Variants in MYL3 observed in about 807,000 individuals in gnomAD.
MYL3 encodes the protein CMLC1.
In MYL3, 11 loss-of-function variants were observed where a neutral mutation model predicts 21.3. The observed-to-expected ratio is 0.52, with a 90% CI of 0.32 to 0.85. The LOEUF (loss-of-function observed/expected upper bound fraction) is 0.85, where lower values mean the gene tolerates loss of function less well. Ranked by LOEUF, MYL3 falls within the 40% of genes least tolerant of loss-of-function variation. The pLI is 0.03. For synonymous variants in MYL3, 88 were observed against 91.6 expected (o/e 0.96, Z 0.22); for missense variants, 206 against 253.3 (o/e 0.81, Z 1.27).
rs551462555 is a variant in MYL3 at position 46,859,780 on chromosome 3, G to T, written c.308-132C>A. The T allele has an allele frequency of 2.8e-6, 3 of 1,071,144 alleles. No individual in the cohort carries two copies. The highest frequency in any genetic ancestry group is 1.3e-5 in the South Asian group (1 of 77,858). 66.4% of individuals were successfully genotyped at this position (1,071,144 alleles called of 1,614,324 possible). A position where few individuals can be genotyped will look rare whatever the true frequency, so the allele number is the denominator to read the frequency against. ...ACAGTCTACACCAGTTCTCACAGCA[G>T]TCTACACCAGTTTGCCATTTAAAAG... On this transcript the variant is annotated intron_variant, in intron 3 of 6. Coordinates refer to ENST00000292327, the MANE Select transcript of MYL3 (RefSeq NM_000258.3). The surrounding 1 kb of genome is among the most constrained non-coding windows in gnomAD (Gnocchi z 4.1).
chr3:46,866,494 T>C (rs1702048873), upstream of MYL3: 1 of 152,256 alleles, frequency 6.6e-6, no homozygotes, highest in Non-Finnish European at 1.5e-5. Context: ...GGCCTTCTTC[T>C]GGGCTCTTGT....
At chr3:46,863,514 G>T, upstream of MYL3, 1 of 1,017,666 alleles carries the variant, frequency 9.8e-7, no homozygotes, top group Non-Finnish European at 1.5e-6. Flanking sequence ...CCCCTGCAGT[G>T]CACAATAGGG....
chr3:46,865,740 A>G (rs1287544926), upstream of MYL3, among the ~76,000 whole-genome samples: 1 of 152,042 alleles, frequency 6.6e-6, no homozygotes, highest in Admixed American at 6.5e-5. The surrounding 1 kb of genome is among the most constrained non-coding windows in gnomAD (Gnocchi z 4.3). Context: ...AGAGCCACAT[A>G]GTGCCACCTT....
At chr3:46,875,493 G>A (rs770297001) in intron 1 of MYL3, among the ~76,000 whole-genome samples, 1 of 152,226 alleles carries the variant, frequency 6.6e-6, no homozygotes, top group African/African-American at 2.4e-5. Context: ...CATGCAATTT[G>A]AGGACATGCC....
Position 46,859,536 on chromosome 3 carries a change from G to C in MYL3, c.420C>G (p.Phe140Leu). Residue 140 changes from phenylalanine to leucine, a missense_variant, in exon 4 of 7, where the codon TTC becomes TTG. Physicochemically the swap from Phe to Leu is conservative, Grantham distance 22. Transcript: ENST00000292327. This position sits in a 1 kb window ranked among gnomAD's most constrained non-coding sequence, Gnocchi z 4.1. Reference protein sequence around the residue: ...YEDFVEGLRVFDKEGNGTVMG... With the variant: ...YEDFVEGLRVLDKEGNGTVMG... ...TGACAGTGCCATTGCCCTCCTTGTC[G>C]AAGACCCGCAGCCCCTCCACGAAGT... The C allele has an allele frequency of 6.2e-7, 1 of 1,614,182 alleles. No homozygotes were observed. Among genetic ancestry groups the C allele is most frequent in the Non-Finnish European group, 8.5e-7 (1 of 1,180,048 alleles).
At chr3:46,867,724 A>G (rs1702060933), upstream of MYL3, among the ~76,000 whole-genome samples, 1 of 152,192 alleles carries the variant, frequency 6.6e-6, no homozygotes, top group Non-Finnish European at 1.5e-5. Flanking sequence ...CACTTCCCGG[A>G]GGAGTCGAGA....
chr3:46,876,822 C>A (rs1314680406), intron 1 of MYL3, among the ~76,000 whole-genome samples: 1 of 152,208 alleles, frequency 6.6e-6, no homozygotes, highest in Non-Finnish European at 1.5e-5. Flanking sequence ...CTTCCAGACA[C>A]AAACCAGCTC....
In MYL3 at chr3:46,874,854, G is replaced by A. The variant is rs2030095042; in HGVS notation, c.-218+7220C>T. On this transcript the variant is annotated intron_variant, in intron 1 of 3. Coordinates refer to the MYL3 transcript ENST00000431168. This position sits in a 1 kb window ranked among gnomAD's most constrained non-coding sequence, Gnocchi z 4.1. ...GACCCGCTTTGGACCCCCAACCAGT[G>A]TCCCCAGTGGCTGGCCAGGTTGCCC... 6.6e-6 allele frequency among the ~76,000 whole-genome samples: 1 copy of A among 151,934 alleles called. No homozygotes were observed. Among genetic ancestry groups the A allele is most frequent in the African/African-American group, 2.4e-5 (1 of 41,324 alleles).
intron 1 of MYL3, among the ~76,000 whole-genome samples, chr3:46,872,143 C>T (rs2029955014): frequency 6.6e-6 from 1 of 152,186 alleles, no homozygotes; most frequent in African/African-American, 2.4e-5. Flanking sequence ...TGAGTGTCCT[C>T]CTTCCCCACT....
chr3:46,863,342 G>A lies in MYL3; in HGVS notation c.49C>T (p.Pro17Ser), dbSNP rs1702011848. Residue 17 changes from proline to serine, a missense_variant, in exon 1 of 7, where the codon CCC becomes TCC. Pro to Ser is a moderately conservative substitution (Grantham distance 74). Transcript: ENST00000292327. ...EPKKDDAKAAPKAAPAPAPPP... is the reference protein window; with the variant it reads ...EPKKDDAKAASKAAPAPAPPP... ...GGTGCGGGAGCTGGAGCTGCCTTGG[G>A]GGCTGCCTTGGCATCATCCTTCTTG... 1.9e-6 allele frequency: 3 copies of A among 1,613,906 alleles called. No homozygotes were observed. Among genetic ancestry groups the A allele is most frequent in the South Asian group, 2.2e-5 (2 of 91,080 alleles).
Position 46,858,368 on chromosome 3 carries a change from C to G in MYL3, c.559+16G>C. 6.2e-7 allele frequency: 1 copy of G among 1,614,160 alleles called. No individual in the cohort carries two copies. Among genetic ancestry groups the G allele is most frequent in the Non-Finnish European group, 8.5e-7 (1 of 1,180,036 alleles). ...GCACTCCCCTCCCAGAAGACCCCTG[C>G]CCCTGCTGAGCCCACCTTCATAGTT... On this transcript the variant is annotated intron_variant, in intron 5 of 6. Transcript: ENST00000292327.
chr3:46,864,512 C>T (rs1702028353), upstream of MYL3, among the ~76,000 whole-genome samples: 1 of 152,170 alleles, frequency 6.6e-6, no homozygotes, highest in Admixed American at 6.5e-5. This position sits in a 1 kb window ranked among gnomAD's most constrained non-coding sequence, Gnocchi z 4.7. Context: ...CCCACTGCAC[C>T]CTCTGCCCAG....
Position 46,859,214 on chromosome 3 carries a change from G to A in MYL3, c.481+261C>T, listed in dbSNP as rs1183479053. 6.6e-6 allele frequency among the ~76,000 whole-genome samples: 1 copy of A among 152,094 alleles called. No homozygotes were observed. Among genetic ancestry groups the A allele is most frequent in the East Asian group, 1.9e-4 (1 of 5,188 alleles). On this transcript the variant is annotated intron_variant, in intron 4 of 6. Transcript: ENST00000292327. The surrounding 1 kb of genome is among the most constrained non-coding windows in gnomAD (Gnocchi z 4.1). ...ACCAGGACGGTGGCCTGGAGTCGTG[G>A]GAAGGAGGGGAGCATATCAAGACGG... is the stretch of plus-strand genomic sequence containing the variant.
chr3:46,871,473 C>T (rs1422733428), intron 1 of MYL3, among the ~76,000 whole-genome samples: 2 of 152,032 alleles, frequency 1.3e-5, no homozygotes, highest in African/African-American at 4.8e-5. Flanking sequence ...GCTTGGCTCT[C>T]GTGGGAAAGG....
chr3:46,871,464 C>T (rs540726986), intron 1 of MYL3, among the ~76,000 whole-genome samples: 60 of 152,196 alleles, frequency 3.9e-4, no homozygotes, highest in African/African-American at 1.4e-3. Context: ...GGGGTCAGAG[C>T]TTGGCTCTCG....
rs551553185 is a variant in MYL3 at position 46,858,883 on chromosome 3, T to C, written c.482-422A>G. Among the ~76,000 whole-genome samples the C allele has an allele frequency of 2.6e-5, 4 of 152,280 alleles. No individual in the cohort carries two copies. The South Asian group carries it at 8.3e-4, about 32-fold the overall frequency. ...GCCTCCGTACTTCTGTGTGCTGTGC[T>C]GGCCCCCCTTCAAAATGCCAGCCGC... is the stretch of plus-strand genomic sequence containing the variant. On this transcript the variant is annotated intron_variant, in intron 4 of 6. Coordinates refer to ENST00000292327, the MANE Select transcript of MYL3 (RefSeq NM_000258.3).
rs1004140664 is a variant in MYL3, at chr3:46,876,706, G to A, written c.-218+5368C>T. 3.3e-5 allele frequency among the ~76,000 whole-genome samples: 5 copies of A among 152,326 alleles called. No homozygotes were observed. In the South Asian group the frequency reaches 1.0e-3, roughly 32 times the overall value. On this transcript the variant is annotated intron_variant, in intron 1 of 3. Transcript: ENST00000431168. ...GGAATGTGCCCAATGGCTGGGGGTGGTTGGGGCCAGCTGCCTCACATGCAG... is the reference window on the plus strand; with the variant it reads ...GGAATGTGCCCAATGGCTGGGGGTGATTGGGGCCAGCTGCCTCACATGCAG...
At position 46,858,217 on chromosome 3, in the gene MYL3, G is replaced by C. The variant is rs1442879583; in HGVS notation, c.*13+14C>G. The C allele has an allele frequency of 3.1e-6, 5 of 1,614,100 alleles. No homozygotes were observed. The highest frequency in any genetic ancestry group is 4.2e-6 in the Non-Finnish European group (5 of 1,179,962). ...AGGTGGCAGCAGCGGGTTCAGGAGG[G>C]AGTGGGTGCCTACCTGGGCACGAGG... On this transcript the variant is annotated intron_variant, in intron 6 of 6. Transcript: ENST00000292327.
intron 5 of MYL3, 46 bp downstream of exon 5, chr3:46,858,338 T>C: frequency 6.2e-7 from 1 of 1,613,782 alleles, no homozygotes; most frequent in Non-Finnish European, 8.5e-7. Flanking sequence ...GGAGCCTGGG[T>C]CCCAGCACTC....
Sources: gnomAD v4.1 joint callset for allele counts (sites outside exome capture counted in the v4.1 genomes callset) on GRCh38, gnomAD v4.1.1 for gene constraint, Gnocchi (gnomAD v3.1) non-coding constraint, MANE v1.5 for transcripts, NCBI Gene and HGNC (gene_info 2026-07-23, HGNC 2026-07-21) for gene names.